The following SLC12A7 variants were observed in gnomAD, a reference collection of about 807,000 sequenced individuals.
The protein encoded by SLC12A7 is solute carrier family 12 member 7.
SLC12A7 carries 100 observed loss-of-function variants against 120.6 expected under a neutral mutation model. The observed-to-expected ratio is 0.83, with a 90% CI of 0.71 to 0.98. The LOEUF (loss-of-function observed/expected upper bound fraction) is 0.98, where lower values mean the gene tolerates loss of function less well. Among genes scored for constraint, SLC12A7 ranks in the 50% least tolerant of loss-of-function variants. The pLI is 0.00. For missense variants in SLC12A7, 1,373 were observed against 1,548.1 expected (o/e 0.89, Z 1.90); for synonymous variants, 760 against 678.0 (o/e 1.12, Z -1.88).
At chr5:1,142,129 C>T in the SLC12A7 span, among the ~76,000 whole-genome samples, 5 of 151,834 alleles carry the variant, frequency 3.3e-5, no homozygotes, top group South Asian at 2.1e-4. Flanking sequence ...TCAGTTCACC[C>T]GGCCACCCCT....
chr5:1,109,973 C>T (rs1742870016), intron 1 of SLC12A7, among the ~76,000 whole-genome samples: 1 of 152,196 alleles, frequency 6.6e-6, no homozygotes, highest in Non-Finnish European at 1.5e-5. Context: ...GGGAGGGGCT[C>T]CGGCTTCTGC....
the SLC12A7 span, among the ~76,000 whole-genome samples, chr5:1,144,007 G>C: frequency 3.3e-5 from 5 of 152,148 alleles, no homozygotes; most frequent in Middle Eastern, 3.2e-3. Context: ...TGGCTGGCTC[G>C]GGCGGCTGTC....
At chr5:1,155,814 G>C in the SLC12A7 span, among the ~76,000 whole-genome samples, 4 of 151,088 alleles carry the variant, frequency 2.6e-5, no homozygotes, top group Admixed American at 6.6e-5. Flanking sequence ...GCCTTCCTTG[G>C]CCCCGGGCCC....
chr5:1,136,426 G>A, the SLC12A7 span, among the ~76,000 whole-genome samples: 11,557 of 73,128 alleles, frequency 0.16, 130 homozygotes, highest in African/African-American at 0.32. Context: ...GCAGGCACAC[G>A]TGTGCTCAGA....
chr5:1,140,313 C>T, the SLC12A7 span, among the ~76,000 whole-genome samples: 1 of 152,246 alleles, frequency 6.6e-6, no homozygotes, highest in Non-Finnish European at 1.5e-5. Flanking sequence ...ATGTGATCCC[C>T]ATGGCCCCTC....
At chr5:1,108,442 C>T (rs896917654) in intron 1 of SLC12A7, among the ~76,000 whole-genome samples, 2 of 152,226 alleles carry the variant, frequency 1.3e-5, no homozygotes, top group Non-Finnish European at 2.9e-5. Flanking sequence ...CTTCCGTTCC[C>T]GCAACGCAGT....
intron 20 of SLC12A7, among the ~76,000 whole-genome samples, chr5:1,061,161 T>C (rs1248625675): frequency 4.0e-5 from 1 of 25,220 alleles, no homozygotes; most frequent in African/African-American, 5.6e-5. Context: ...GCACCCGCCG[T>C]GCGGGACCCC....
intron 12 of SLC12A7, 110 bp downstream of exon 12, chr5:1,077,723 T>G: frequency 8.5e-7 from 1 of 1,177,214 alleles, no homozygotes; most frequent in East Asian, 2.8e-5. Context: ...CACCATGGGG[T>G]CCAAGCCGCG....
At chr5:1,076,855 C>T in intron 12 of SLC12A7, 43 bp from the exon 13 acceptor site, 1 of 1,335,826 alleles carries the variant, frequency 7.5e-7, no homozygotes, top group Non-Finnish European at 1.1e-6. Flanking sequence ...TGACACCACC[C>T]TTTTAGGAGA....
At chr5:1,128,454 GC>G in the SLC12A7 span, among the ~76,000 whole-genome samples, 1 of 152,250 alleles carries the variant, frequency 6.6e-6, no homozygotes, top group African/African-American at 2.4e-5. Flanking sequence ...CCTGGAGCAT[GC>G]CTGGGTACAG....
chr5:1,100,733 A>G (rs1741933216), intron 1 of SLC12A7, among the ~76,000 whole-genome samples: 1 of 152,012 alleles, frequency 6.6e-6, no homozygotes, highest in East Asian at 1.9e-4. Context: ...AACACCAGAC[A>G]CCTCCCAACT....
chr5:1,145,075 G>A, the SLC12A7 span, among the ~76,000 whole-genome samples: 1 of 152,262 alleles, frequency 6.6e-6, no homozygotes. The surrounding 1 kb of genome is among the most constrained non-coding windows in gnomAD (Gnocchi z 4.4). Flanking sequence ...TGGAGGGCTG[G>A]AGAGAGCCTG....
the SLC12A7 span, among the ~76,000 whole-genome samples, chr5:1,142,015 A>G: frequency 6.6e-6 from 1 of 151,896 alleles, no homozygotes; most frequent in Non-Finnish European, 1.5e-5. Flanking sequence ...GCCCTGCAGG[A>G]CTTCCCGGGG....
chr5:1,117,679 C>T, the SLC12A7 span, among the ~76,000 whole-genome samples: 3 of 152,150 alleles, frequency 2.0e-5, no homozygotes, highest in African/African-American at 2.4e-5. This position sits in a 1 kb window ranked among gnomAD's most constrained non-coding sequence, Gnocchi z 4.5. Context: ...GAACAGACTC[C>T]GCACAAAAGG....
intron 11 of SLC12A7, among the ~76,000 whole-genome samples, chr5:1,078,368 G>A (rs182865229): frequency 6.6e-6 from 1 of 152,144 alleles, no homozygotes; most frequent in Admixed American, 6.5e-5. Context: ...TGACCTGCCT[G>A]GGACCCCACT....
rs1738313651 is a variant in SLC12A7 at position 1,076,186 on chromosome 5, G to T, written c.1799C>A (p.Thr600Asn). 1.2e-6 allele frequency: 2 copies of T among 1,612,584 alleles called. No homozygotes were observed. The highest frequency in any genetic ancestry group is 1.7e-4 in the Middle Eastern group (1 of 6,060). ...LFVNLACAVQ[T>N]LLRTPNWRPR... ...ACGCCAGTTGGGGGTACGTAGCAGG[G>T]TCTGCACGGCGCAGGCCAGGTTCAC... The change falls in exon 14 of 24, where the codon ACC becomes AAC. Residue 600 changes from threonine to asparagine, a missense_variant. Thr to Asn is a moderately conservative substitution (Grantham distance 65, BLOSUM62 0). Transcript: ENST00000264930.
rs559662691 is a variant in SLC12A7 at position 1,077,232 on chromosome 5, G to A, written c.1630-420C>T. On this transcript the variant is annotated intron_variant, in intron 12 of 23. Coordinates refer to ENST00000264930, the MANE Select transcript of SLC12A7 (RefSeq NM_006598.3). ...TTCCTGGACACCATGCCCTAGGCCC[G>A]GCTGGGACTGAAGATGCAACCACAC... Among the ~76,000 whole-genome samples the A allele has an allele frequency of 2.3e-4, 35 of 152,306 alleles. No homozygotes were observed. The East Asian group carries it at 5.2e-3, about 23-fold the overall frequency.
chr5:1,095,198 C>T (rs1312788806), intron 1 of SLC12A7, among the ~76,000 whole-genome samples: 1 of 152,186 alleles, frequency 6.6e-6, no homozygotes, highest in Non-Finnish European at 1.5e-5. Context: ...CGCCAGACCC[C>T]AAACCTGCCC....
intron 16 of SLC12A7, among the ~76,000 whole-genome samples, chr5:1,074,261 G>A (rs531204641): frequency 9.2e-5 from 14 of 152,058 alleles, no homozygotes; most frequent in African/African-American, 2.4e-4. Flanking sequence ...GGCCCCCGCC[G>A]AGGCCCTGAG....
Sources: allele counts gnomAD v4.1 joint callset (sites outside exome capture counted in the v4.1 genomes callset), GRCh38; gene constraint gnomAD v4.1.1; non-coding constraint Gnocchi (gnomAD v3.1); transcripts MANE v1.5; gene names NCBI Gene and HGNC (gene_info 2026-07-23, HGNC 2026-07-21).